TRMT61B: variants seen among roughly 807,000 people sequenced by gnomAD.
TRMT61B encodes the protein tRNA (adenine(58)-N(1))-methyltransferase, mitochondrial.
A neutral mutation model predicts 52.0 loss-of-function variants in TRMT61B; 56 were observed. The ratio of observed to expected loss-of-function variants is 1.08; its 90% confidence interval spans 0.87 to 1.35. TRMT61B has a LOEUF of 1.35. Ranked by LOEUF, TRMT61B falls within the 40% of genes most tolerant of loss-of-function variation. The pLI is 0.00. For synonymous variants in TRMT61B, 206 were observed against 220.0 expected (o/e 0.94, Z 0.56); for missense variants, 650 against 577.9 (o/e 1.12, Z -1.28).
At position 28,849,896 on chromosome 2, in the gene TRMT61B, G is replaced by A. The variant is rs373637826; in HGVS notation, c.*303C>T. On this transcript the variant is annotated 3_prime_UTR_variant, in exon 7 of 7. Transcript: ENST00000306108. The stretch of plus-strand genomic sequence containing the variant: ...ATAAAGGAAAGAAAACTAATTTCTT[G>A]AAGAAAGACAAATCTATGGAGTGGT... 2 of 1,593,302 alleles carry A rather than the reference G, an allele frequency of 1.3e-6. No homozygotes were observed. Among genetic ancestry groups the A allele is most frequent in the Non-Finnish European group, 1.7e-6 (2 of 1,174,366 alleles).
Position 28,869,623 on chromosome 2 carries a change from A to G in TRMT61B, c.655T>C (p.Tyr219His), listed in dbSNP as rs988329649. 1.2e-5 allele frequency: 20 copies of G among 1,614,044 alleles called. No homozygotes were observed. The highest frequency in any genetic ancestry group is 1.7e-5 in the Non-Finnish European group (20 of 1,179,970). The change falls in exon 1 of 7, where the codon TAT becomes CAT. Residue 219 changes from tyrosine to histidine, a missense_variant. Coordinates refer to ENST00000306108, the MANE Select transcript of TRMT61B (RefSeq NM_017910.4). ...YMLRRPALED[Y>H]VVLMKRGTAI... ...GTCCCTCTTTTCATCAATACTACAT[A>G]GTCTTCCAAGGCTGGCCTCCTCAGC...
rs73920374 is a variant in TRMT61B at position 28,870,054 on chromosome 2, G to A, written c.224C>T (p.Ser75Leu). 677 of 1,613,690 alleles carry A rather than the reference G, an allele frequency of 4.2e-4. 2 individuals are homozygous for A. The African/African-American group carries it at 7.9e-3, about 19-fold the overall frequency. The part of the protein sequence containing the change: ...ESCPSLPLSI[S>L]DIGTGCLSSL... ...CGAAAGACATCCAGTCCCAATGTCC[G>A]AGATGCTCAGAGGGAGAGATGGGCA... The change falls in exon 1 of 7, where the codon TCG becomes TTG. Residue 75 changes from serine (S) to leucine (L), a missense_variant. Ser to Leu is a moderately radical substitution (Grantham distance 145). Coordinates refer to ENST00000306108, the MANE Select transcript of TRMT61B (RefSeq NM_017910.4).
intron 1 of TRMT61B, among the ~76,000 whole-genome samples, chr2:28,868,821 T>G (rs954364021): frequency 2.6e-5 from 4 of 152,198 alleles, no homozygotes; most frequent in Non-Finnish European, 4.4e-5. Flanking sequence ...AAGACCAGCC[T>G]GGGCAATAAG....
rs750558277 is a variant in TRMT61B, at chr2:28,851,247, A to C, written c.1137T>G (p.Ala379=). The C allele has an allele frequency of 1.5e-5, 24 of 1,613,760 alleles. No homozygotes were observed. The highest frequency in any genetic ancestry group is 5.0e-5 in the Admixed American group (3 of 59,966). The change falls in exon 5 of 7, where the codon GCT becomes GCG. Residue 379 remains alanine (A), a synonymous_variant. Transcript: ENST00000306108. The part of the protein sequence containing the change: ...LLDGIRTCEL[A]LSCEKISEVI... ...CCTCGCTTATCTTTTCACATGAAAGAGCAAGTTCACAGGTGCGAATTCCAT... is the reference window on the plus strand; with the variant it reads ...CCTCGCTTATCTTTTCACATGAAAGCGCAAGTTCACAGGTGCGAATTCCAT...
intron 1 of TRMT61B, among the ~76,000 whole-genome samples, chr2:28,867,180 C>G (rs1669886551): frequency 6.6e-6 from 1 of 151,996 alleles, no homozygotes; most frequent in African/African-American, 2.4e-5. Flanking sequence ...GCTGCAGCCT[C>G]AAACTCCTGG....
At chr2:28,868,491 T>C (rs1669944664) in intron 1 of TRMT61B, among the ~76,000 whole-genome samples, 1 of 152,218 alleles carries the variant, frequency 6.6e-6, no homozygotes, top group Non-Finnish European at 1.5e-5. Context: ...TGTTTGTTCT[T>C]TGTCACCCCT....
rs1413848292 is a variant in TRMT61B, at chr2:28,870,220, T to C, written c.58A>G (p.Thr20Ala). 1 of 1,609,868 alleles carries C rather than the reference T, an allele frequency of 6.2e-7. No individual in the cohort carries two copies. Among genetic ancestry groups the C allele is most frequent in the Admixed American group, 1.7e-5 (1 of 59,626 alleles). ...CCCAGGCCGTGCAGGAATGAATTGG[T>C]TCCGAGCCCCTGCCGCAGGCACAGC... ...VLLCLRQGLG[T>A]NSFLHGLGQE... The change falls in exon 1 of 7, where the codon ACC becomes GCC. Residue 20 changes from threonine to alanine, a missense_variant. By Grantham distance (58) the Thr-to-Ala change is moderately conservative. Transcript: ENST00000306108.
intron 3 of TRMT61B, among the ~76,000 whole-genome samples, 159 bp from the exon 4 acceptor site, chr2:28,852,658 G>T (rs1027085270): frequency 6.6e-6 from 1 of 151,966 alleles, no homozygotes; most frequent in Admixed American, 6.6e-5. Context: ...CTCCCAAAAG[G>T]GTATGTTAAT....
intron 4 of TRMT61B, among the ~76,000 whole-genome samples, chr2:28,851,805 G>A (rs1669109506): frequency 6.7e-6 from 1 of 148,880 alleles, no homozygotes; most frequent in South Asian, 2.1e-4. Flanking sequence ...CTTGAACCCA[G>A]GAGGCGGAGG....
chr2:28,869,766 A>C lies in TRMT61B; in HGVS notation c.512T>G (p.Leu171Ter), dbSNP rs1456059363. 1.2e-6 allele frequency: 2 copies of C among 1,613,956 alleles called. No homozygotes were observed. Among genetic ancestry groups the C allele is most frequent in the Non-Finnish European group, 1.7e-6 (2 of 1,180,032 alleles). Residue 171 changes from leucine to a stop codon, truncating the protein, a stop_gained, in exon 1 of 7, where the codon TTA (leucine) becomes TGA (stop). Transcript: ENST00000306108. LOFTEE classifies it high-confidence loss of function. ...TGEGETKFKK[L>*]FRLNNFGLLN... Reference sequence around the variant, plus strand: ...GAGTCCGAAGTTGTTCAACCTAAATAATTTCTTAAATTTTGTTTCTCCCTC... The same window carrying C: ...GAGTCCGAAGTTGTTCAACCTAAATCATTTCTTAAATTTTGTTTCTCCCTC...
At chr2:28,857,164 C>T (rs1032674133) in intron 3 of TRMT61B, among the ~76,000 whole-genome samples, 1 of 152,032 alleles carries the variant, frequency 6.6e-6, no homozygotes, top group Non-Finnish European at 1.5e-5. Context: ...AAACTCCTGA[C>T]CTCAAGTGAT....
At position 28,865,093 on chromosome 2, in the gene TRMT61B, C is replaced by G. The variant is rs777787702; in HGVS notation, c.726G>C (p.Met242Ile). The G allele has an allele frequency of 1.2e-6, 2 of 1,610,202 alleles. No homozygotes were observed. Among genetic ancestry groups the G allele is most frequent in the East Asian group, 2.2e-5 (1 of 44,842 alleles). The change falls in exon 2 of 7, where the codon ATG (methionine) becomes ATC (isoleucine). Residue 242 changes from methionine (M) to isoleucine (I), a missense_variant. Transcript: ENST00000306108. ...PKDINMILSM[M>I]DINPGDTVLE... ...AAACAGTATCACCTGGGTTGATATCCATCATTGAGAGAATCATATTAATAT... is the reference window on the plus strand; with the variant it reads ...AAACAGTATCACCTGGGTTGATATCGATCATTGAGAGAATCATATTAATAT...
chr2:28,867,860 G>A (rs567732358), intron 1 of TRMT61B, among the ~76,000 whole-genome samples: 1 of 152,088 alleles, frequency 6.6e-6, no homozygotes, highest in Admixed American at 6.6e-5. Flanking sequence ...AGACCAGTCT[G>A]GGCAAGTTAG....
chr2:28,852,160 A>C (rs1166412133), intron 4 of TRMT61B, among the ~76,000 whole-genome samples: 1 of 150,174 alleles, frequency 6.7e-6, no homozygotes, highest in Non-Finnish European at 1.5e-5. Flanking sequence ...AAAAATAGAA[A>C]AAATCAGCCG....
intron 3 of TRMT61B, among the ~76,000 whole-genome samples, chr2:28,860,140 C>G (rs560071892): frequency 2.0e-5 from 3 of 151,322 alleles, no homozygotes; most frequent in African/African-American, 7.3e-5. Flanking sequence ...GCCATGGTGG[C>G]GTGCACCTGT....
intron 2 of TRMT61B, among the ~76,000 whole-genome samples, chr2:28,864,659 G>A (rs574640081): frequency 1.3e-5 from 2 of 152,122 alleles, no homozygotes; most frequent in Non-Finnish European, 2.9e-5. Context: ...CCTTGATCTC[G>A]GTAATAAGTA....
chr2:28,861,586 CACA>C, intron 2 of TRMT61B: 3 of 336,166 alleles, frequency 8.9e-6, no homozygotes, highest in South Asian at 5.0e-5. Flanking sequence ...GTGTATTATA[CACA>C]CTGTCCTGTA....
At chr2:28,867,712 G>A (rs1477401959) in intron 1 of TRMT61B, among the ~76,000 whole-genome samples, 1 of 152,104 alleles carries the variant, frequency 6.6e-6, no homozygotes, top group Admixed American at 6.6e-5. Context: ...GGAGAAAGGA[G>A]ACACGGGGAA....
At chr2:28,868,833 C>T (rs1669958358) in intron 1 of TRMT61B, among the ~76,000 whole-genome samples, 1 of 152,112 alleles carries the variant, frequency 6.6e-6, no homozygotes, top group South Asian at 2.1e-4. Context: ...GGCAATAAGG[C>T]GAAACCCCGT....
Sources: allele counts gnomAD v4.1 joint callset (sites outside exome capture counted in the v4.1 genomes callset), GRCh38; gene constraint gnomAD v4.1.1; transcripts MANE v1.5; gene names NCBI Gene and HGNC (gene_info 2026-07-23, HGNC 2026-07-21).